The following CCDC192 variants were observed in gnomAD, a reference collection of about 807,000 sequenced individuals.
The protein encoded by CCDC192 is coiled-coil domain-containing protein 192.
At position 127,861,031 on chromosome 5, in the gene CCDC192, A is replaced by G. The variant is rs79324501; in HGVS notation, c.412-14507A>G. On this transcript the variant is annotated intron_variant, in intron 5 of 6. Transcript: ENST00000514853. ...ACTTTTTTTTTCTTTTTTTGTGGAC[A>G]GAGTTTTGCTCTTGCTGCCCAGCCT... 1.8e-3 allele frequency among the ~76,000 whole-genome samples: 277 copies of G among 152,110 alleles called. 2 individuals carry two copies. Among genetic ancestry groups the G allele is most frequent in the African/African-American group, 6.3e-3 (261 of 41,508 alleles).
rs542303549 is a variant in CCDC192 at position 127,797,691 on chromosome 5, G to T, written c.355-415G>T. Among the ~76,000 whole-genome samples the T allele has an allele frequency of 1.7e-4, 24 of 140,258 alleles. No individual in the cohort carries two copies. The South Asian group carries it at 4.9e-3, about 29-fold the overall frequency. 92.0% of individuals were successfully genotyped at this position (140,258 alleles called of 152,430 possible). ...AATTTACCTCTTGTTCAATCCAAAG[G>T]GTTTGCTTTTGGAATATATGGATAT... On this transcript the variant is annotated intron_variant, in intron 4 of 6. Transcript: ENST00000514853.
intron 6 of CCDC192, among the ~76,000 whole-genome samples, chr5:127,927,776 C>G (rs191683919): frequency 3.3e-5 from 5 of 152,220 alleles, no homozygotes; most frequent in Admixed American, 6.5e-5. Context: ...GGTGACATTG[C>G]ACTAAATGAG....
At chr5:127,733,866 A>G (rs1368397132) in intron 2 of CCDC192, among the ~76,000 whole-genome samples, 1 of 150,120 alleles carries the variant, frequency 6.7e-6, no homozygotes, top group Non-Finnish European at 1.5e-5. Context: ...CCAGTTTCCA[A>G]TACATTTTTT....
chr5:127,885,461 A>G (rs1016702295), intron 6 of CCDC192, among the ~76,000 whole-genome samples: 15 of 152,234 alleles, frequency 9.9e-5, no homozygotes, highest in African/African-American at 3.4e-4. Context: ...AGCTGTCAGT[A>G]GTGGAGCAGC....
rs1173733386 is a variant in CCDC192, at chr5:127,919,067, GTA to G, written c.536-22109_536-22108del. On this transcript the variant is annotated intron_variant, in intron 6 of 6. Coordinates refer to ENST00000514853, the MANE Select transcript of CCDC192 (RefSeq NM_001317938.2). Reference sequence around the variant, plus strand: ...TATATCTGTGTGTGTATGTGTGTGTGTATATATGTGTGTGTGTGTGTGTGTGT... The same window carrying G: ...TATATCTGTGTGTGTATGTGTGTGTGTATATGTGTGTGTGTGTGTGTGTGT... Among the ~76,000 whole-genome samples, 1,204 of 134,816 alleles carry G rather than the reference GTA, an allele frequency of 8.9e-3. 14 individuals are homozygous for G. The highest frequency in any genetic ancestry group is 0.033 in the African/African-American group (1,031 of 31,374). 88.4% of individuals were successfully genotyped at this position (134,816 alleles called of 152,430 possible). A position where few individuals can be genotyped will look rare whatever the true frequency, so the allele number is the denominator to read the frequency against.
At chr5:127,769,397 G>A (rs1322338279) in intron 3 of CCDC192, among the ~76,000 whole-genome samples, 3 of 151,532 alleles carry the variant, frequency 2.0e-5, no homozygotes, top group African/African-American at 7.3e-5. Flanking sequence ...CAAATAGGTT[G>A]TTGGATTTTG....
intron 3 of CCDC192, among the ~76,000 whole-genome samples, chr5:127,775,057 C>T (rs1181857081): frequency 6.6e-6 from 1 of 152,082 alleles, no homozygotes; most frequent in Non-Finnish European, 1.5e-5. Flanking sequence ...TTGCTCATTT[C>T]TGGTTGTATA....
intron 3 of CCDC192, among the ~76,000 whole-genome samples, chr5:127,763,505 C>T (rs1273839893): frequency 6.6e-6 from 1 of 152,150 alleles, no homozygotes; most frequent in Non-Finnish European, 1.5e-5. Context: ...AATGACTCCT[C>T]AACACTACAC....
At chr5:127,711,596 A>C (rs565867238) in intron 2 of CCDC192, among the ~76,000 whole-genome samples, 5 of 152,150 alleles carry the variant, frequency 3.3e-5, no homozygotes, top group Non-Finnish European at 7.4e-5. Flanking sequence ...GGTATCTATA[A>C]ATTTTAACAT....
intron 4 of CCDC192, 71 bp from the exon 5 acceptor site, chr5:127,798,035 A>G (rs1278844719): frequency 1.0e-5 from 4 of 396,540 alleles, no homozygotes; most frequent in Non-Finnish European, 1.8e-5. Context: ...ATACACATTT[A>G]TGTCTGTAAT....
At chr5:127,800,792 C>T (rs2126978182) in intron 5 of CCDC192, among the ~76,000 whole-genome samples, 1 of 152,332 alleles carries the variant, frequency 6.6e-6, no homozygotes, top group East Asian at 1.9e-4. Flanking sequence ...TCCTACCTCT[C>T]TCTGCCTCTG....
At chr5:127,912,419 C>CAAAAAAATAAAA (rs1753397924) in intron 6 of CCDC192, among the ~76,000 whole-genome samples, 1 of 81,452 alleles carries the variant, frequency 1.2e-5, no homozygotes. Context: ...CTGGGTTTAG[C>CAAAAAAATAAAA]AAAAAAAAAA....
At chr5:127,860,272 T>C (rs906257667) in intron 5 of CCDC192, among the ~76,000 whole-genome samples, 1 of 152,246 alleles carries the variant, frequency 6.6e-6, no homozygotes, top group Admixed American at 6.5e-5. Context: ...ATATAGTACA[T>C]ACTCCATAAA....
chr5:127,704,895 C>T (rs1353154175), intron 1 of CCDC192, among the ~76,000 whole-genome samples: 1 of 151,412 alleles, frequency 6.6e-6, no homozygotes, highest in Non-Finnish European at 1.5e-5. Flanking sequence ...ATCATTTATT[C>T]ACCCAGGCTA....
At chr5:127,781,748 A>G (rs1019176015) in intron 3 of CCDC192, among the ~76,000 whole-genome samples, 1 of 151,998 alleles carries the variant, frequency 6.6e-6, no homozygotes, top group Non-Finnish European at 1.5e-5. Flanking sequence ...AGGTGTCTTT[A>G]GGGTTTTCAA....
chr5:127,844,356 A>G (rs946955763), intron 5 of CCDC192, among the ~76,000 whole-genome samples: 4 of 152,236 alleles, frequency 2.6e-5, no homozygotes, highest in Non-Finnish European at 5.9e-5. Context: ...GGATTTAGAG[A>G]CAATTTAGTT....
At chr5:127,865,499 G>A (rs1397093101) in intron 5 of CCDC192, among the ~76,000 whole-genome samples, 4 of 151,738 alleles carry the variant, frequency 2.6e-5, no homozygotes, top group Non-Finnish European at 5.9e-5. Context: ...AAGGACAGGT[G>A]CTTCAGGAAA....
At position 127,711,849 on chromosome 5, in the gene CCDC192, C is replaced by T. The variant is rs575179368; in HGVS notation, c.114+4089C>T. Among the ~76,000 whole-genome samples, 23 of 152,210 alleles carry T rather than the reference C, an allele frequency of 1.5e-4. No homozygotes were observed. In the South Asian group the frequency reaches 4.4e-3, roughly 29 times the overall value. On this transcript the variant is annotated intron_variant, in intron 2 of 6. Coordinates refer to ENST00000514853, the MANE Select transcript of CCDC192 (RefSeq NM_001317938.2). Reference sequence around the variant, plus strand: ...CTCTAATAGGTAAGAAATTACATCTCAAAACTCTTTGTTTTGCCTTTCCTT... The same window carrying T: ...CTCTAATAGGTAAGAAATTACATCTTAAAACTCTTTGTTTTGCCTTTCCTT...
chr5:127,786,613 GA>G, intron 3 of CCDC192: 2 of 747,986 alleles, frequency 2.7e-6, no homozygotes, highest in South Asian at 2.8e-5. Flanking sequence ...CATTCACGGT[GA>G]ACCCAGTGTC....
Sources: allele counts gnomAD v4.1 joint callset (sites outside exome capture counted in the v4.1 genomes callset), GRCh38; gene constraint gnomAD v4.1.1; transcripts MANE v1.5; gene names NCBI Gene and HGNC (gene_info 2026-07-23, HGNC 2026-07-21).